CFAP97: variants seen among roughly 807,000 people sequenced by gnomAD.
The protein encoded by CFAP97 is cilia- and flagella-associated protein 97.
CFAP97 carries 36 observed loss-of-function variants against 43.1 expected under a neutral mutation model. The ratio of observed to expected loss-of-function variants is 0.84; its 90% CI spans 0.64 to 1.10. The LOEUF (loss-of-function observed/expected upper bound fraction) is 1.10. CFAP97 is among the 50% of genes least tolerant of loss of function. The pLI, the probability that CFAP97 is intolerant of heterozygous loss-of-function variation, is 0.00. For synonymous variants in CFAP97, 228 were observed against 225.7 expected, an observed-to-expected ratio of 1.01 and a Z score of -0.09; for missense variants, 657 against 620.3, an observed-to-expected ratio of 1.06 and a Z score of -0.63.
chr4:185,175,108 G>C (rs997821357), intron 3 of CFAP97, among the ~76,000 whole-genome samples: 2 of 152,134 alleles, frequency 1.3e-5, no homozygotes, highest in Admixed American at 6.5e-5. Context: ...TAAAGTAAAA[G>C]AGATTTCACT....
chr4:185,164,281 T>TC, intron 3 of CFAP97, 102 bp from the exon 4 acceptor site: 3 of 1,203,010 alleles, frequency 2.5e-6, no homozygotes, highest in Non-Finnish European at 3.4e-6. Flanking sequence ...TTCTTTTTTT[T>TC]TTTAAGAGAC....
chr4:185,189,006 G>C (rs1736119091), intron 2 of CFAP97, among the ~76,000 whole-genome samples: 1 of 152,174 alleles, frequency 6.6e-6, no homozygotes, highest in South Asian at 2.1e-4. Context: ...GGGACGCTGA[G>C]GTAGGAGGTT....
At chr4:185,209,900 C>T (rs1737466296), upstream of CFAP97, 1 of 983,232 alleles carries the variant, frequency 1.0e-6, no homozygotes, top group South Asian at 4.7e-5. The surrounding 1 kb of genome is among the most constrained non-coding windows in gnomAD (Gnocchi z 5.2). Flanking sequence ...GGCGGCCGTC[C>T]TGTCTCGGGC....
intron 4 of CFAP97, 104 bp from the exon 5 acceptor site, chr4:185,163,029 G>A: frequency 2.0e-6 from 2 of 1,001,882 alleles, no homozygotes; most frequent in Non-Finnish European, 2.6e-6. Context: ...CTAATGCTAT[G>A]ATTCTCGACT....
At position 185,198,966 on chromosome 4, in the gene CFAP97, G is replaced by A. The variant is rs142236071; in HGVS notation, c.-17+4932C>T. Among the ~76,000 whole-genome samples, 782 of 152,288 alleles carry A rather than the reference G, an allele frequency of 5.1e-3. 7 individuals are homozygous for A. Among genetic ancestry groups the A allele is most frequent in the African/African-American group, 0.018 (752 of 41,538 alleles). On this transcript the variant is annotated intron_variant, in intron 1 of 4. Coordinates refer to ENST00000458385, the MANE Select transcript of CFAP97 (RefSeq NM_020827.3). ...CATCTAGGATTTTCATAGCTAGAGG[G>A]AGAAGTCAATACCTGGTCTCAACAC...
intron 3 of CFAP97, among the ~76,000 whole-genome samples, chr4:185,164,657 A>G (rs1735000984): frequency 6.6e-6 from 1 of 152,208 alleles, no homozygotes; most frequent in African/African-American, 2.4e-5. Flanking sequence ...CCATGGCTTC[A>G]GGCTGCTAAA....
chr4:185,180,530 T>G (rs1452683850), intron 2 of CFAP97, among the ~76,000 whole-genome samples: 1 of 152,178 alleles, frequency 6.6e-6, no homozygotes, highest in African/African-American at 2.4e-5. Context: ...GAGATTGCCT[T>G]ATTTCACTTA....
chr4:185,192,732 T>TC (rs1736326684), intron 1 of CFAP97, among the ~76,000 whole-genome samples: 6 of 113,980 alleles, frequency 5.3e-5, no homozygotes, highest in South Asian at 3.1e-4. Context: ...GAATTGACCT[T>TC]CTTTTTTTTT....
At chr4:185,170,483 G>A (rs1171679334) in intron 3 of CFAP97, 1 of 365,520 alleles carries the variant, frequency 2.7e-6, no homozygotes, top group Non-Finnish European at 4.9e-6. Flanking sequence ...TGCAACCTCT[G>A]CTTCCCGGGT....
intron 3 of CFAP97, among the ~76,000 whole-genome samples, chr4:185,175,090 G>A (rs191217018): frequency 2.1e-4 from 32 of 152,100 alleles, no homozygotes; most frequent in Admixed American, 1.8e-3. Flanking sequence ...TAGCTTTCCA[G>A]GACACAATAA....
At position 185,192,758 on chromosome 4, in the gene CFAP97, T is replaced by TTTTC. The variant is rs376440116; in HGVS notation, c.-16-1547_-16-1546insGAAA. 6.0e-3 allele frequency among the ~76,000 whole-genome samples: 775 copies of TTTTC among 128,240 alleles called. 24 individuals carry two copies. Among genetic ancestry groups the TTTTC allele is most frequent in the African/African-American group, 0.019 (632 of 34,078 alleles). The allele number at this position is 128,240 out of a possible 152,430, so 84.1% of individuals were successfully genotyped here. A position where few individuals can be genotyped will look rare whatever the true frequency, so the allele number is the denominator to read the frequency against. On this transcript the variant is annotated intron_variant, in intron 1 of 4. Transcript: ENST00000458385. ...CTTTTTTTTTTTTTTTTTTTTTTTT[T>TTTTC]GAGACGGAGTCTCGCTCTGTCACCC...
upstream of CFAP97, among the ~76,000 whole-genome samples, chr4:185,208,556 C>T (rs1302993050): frequency 1.2e-4 from 18 of 151,532 alleles, no homozygotes; most frequent in East Asian, 7.8e-4. Flanking sequence ...GGTGAAACCC[C>T]GTCTCTACTA....
At chr4:185,166,855 C>T (rs1422569211) in intron 3 of CFAP97, among the ~76,000 whole-genome samples, 1 of 152,138 alleles carries the variant, frequency 6.6e-6, no homozygotes, top group Non-Finnish European at 1.5e-5. Flanking sequence ...TGTTGATTAC[C>T]CTAAATTTTA....
upstream of CFAP97, chr4:185,204,012 A>G (rs935100543): frequency 4.6e-5 from 7 of 150,866 alleles, no homozygotes; most frequent in African/African-American, 1.7e-4. Flanking sequence ...GCGGAAAGGG[A>G]AAGGAGGGGC....
chr4:185,200,598 G>A (rs1289230296), intron 1 of CFAP97, among the ~76,000 whole-genome samples: 2 of 151,970 alleles, frequency 1.3e-5, no homozygotes, highest in Admixed American at 6.6e-5. Context: ...AACCGAGCTT[G>A]CGTCACGGCA....
intron 3 of CFAP97, among the ~76,000 whole-genome samples, chr4:185,174,404 C>T (rs1196760453): frequency 1.3e-5 from 2 of 152,120 alleles, no homozygotes; most frequent in Admixed American, 1.3e-4. Context: ...GCAGGGTAAT[C>T]CTCTTGAAGG....
intron 1 of CFAP97, among the ~76,000 whole-genome samples, chr4:185,193,222 T>C (rs941306349): frequency 1.3e-5 from 2 of 152,118 alleles, no homozygotes; most frequent in Admixed American, 6.5e-5. Flanking sequence ...GGGCTTCCAC[T>C]GTCCAAGTTG....
At chr4:185,195,250 A>G (rs1463887620) in intron 1 of CFAP97, among the ~76,000 whole-genome samples, 1 of 152,202 alleles carries the variant, frequency 6.6e-6, no homozygotes, top group Admixed American at 6.5e-5. Context: ...GCAGTTAGGG[A>G]GGCCAAGGTG....
intron 2 of CFAP97, among the ~76,000 whole-genome samples, chr4:185,178,411 C>T (rs1448882969): frequency 1.3e-5 from 2 of 151,774 alleles, no homozygotes; most frequent in Non-Finnish European, 2.9e-5. Context: ...CCACGCCCGG[C>T]TAATTTTTGT....
Sources: gnomAD v4.1 joint callset for allele counts (sites outside exome capture counted in the v4.1 genomes callset) on GRCh38, gnomAD v4.1.1 for gene constraint, Gnocchi (gnomAD v3.1) non-coding constraint, MANE v1.5 for transcripts, NCBI Gene and HGNC (gene_info 2026-07-23, HGNC 2026-07-21) for gene names.